CPVL: variants seen among roughly 807,000 people sequenced by gnomAD.
CPVL encodes carboxypeptidase vitellogenic like.
In CPVL, 51 loss-of-function variants were observed where a neutral mutation model predicts 63.7. That is an observed-to-expected ratio of 0.80 (90% CI 0.64 to 1.01). The LOEUF is 1.01. CPVL is among the 50% of genes least tolerant of loss of function. CPVL has a pLI of 0.00. For synonymous variants in CPVL, 195 were observed against 206.0 expected (o/e 0.95, Z 0.46); for missense variants, 530 against 573.1 (o/e 0.92, Z 0.77).
chr7:29,155,802 AT>A (rs1165223298), intron 5 of CPVL, among the ~76,000 whole-genome samples: 4 of 150,466 alleles, frequency 2.7e-5, no homozygotes, highest in South Asian at 2.1e-4. Flanking sequence ...CTTGTGATGG[AT>A]TTTTTTTTTC....
chr7:29,151,273 C>T (rs1375016489), upstream of CPVL, among the ~76,000 whole-genome samples: 4 of 152,156 alleles, frequency 2.6e-5, no homozygotes, highest in African/African-American at 9.7e-5. Flanking sequence ...CTCCTTATGC[C>T]TGGTTTATGT....
At chr7:29,148,866 A>G (rs1793152875), upstream of CPVL, among the ~76,000 whole-genome samples, 1 of 152,150 alleles carries the variant, frequency 6.6e-6, no homozygotes, top group Non-Finnish European at 1.5e-5. Flanking sequence ...GTGTGGGGGA[A>G]CAGAGGACAG....
intron 11 of CPVL, among the ~76,000 whole-genome samples, chr7:29,036,718 C>T (rs1395616710): frequency 6.6e-6 from 1 of 152,160 alleles, no homozygotes; most frequent in Non-Finnish European, 1.5e-5. Context: ...GGAATTCCCC[C>T]ACACTTAAAT....
chr7:29,150,268 A>C (rs1793406349), upstream of CPVL, among the ~76,000 whole-genome samples: 1 of 152,222 alleles, frequency 6.6e-6, no homozygotes, highest in Non-Finnish European at 1.5e-5. Flanking sequence ...TCTGTACATG[A>C]TAAAAATACT....
intron 5 of CPVL, among the ~76,000 whole-genome samples, chr7:29,179,800 G>T (rs1797834648): frequency 6.6e-6 from 1 of 152,112 alleles, no homozygotes; most frequent in Non-Finnish European, 1.5e-5. Context: ...CATTTATGAG[G>T]TTCATTTGTT....
At chr7:29,059,518 C>T (rs1212422139) in intron 11 of CPVL, among the ~76,000 whole-genome samples, 1 of 152,132 alleles carries the variant, frequency 6.6e-6, no homozygotes, top group Admixed American at 6.5e-5. Flanking sequence ...GTGGGATTTA[C>T]CCTTAGCATG....
At chr7:29,097,898 A>G (rs1786607089) in intron 3 of CPVL, among the ~76,000 whole-genome samples, 1 of 152,116 alleles carries the variant, frequency 6.6e-6, no homozygotes. Context: ...GGGAAATGAC[A>G]AGGGAAACCC....
At chr7:28,998,058 A>C (rs1400633045) in intron 12 of CPVL, among the ~76,000 whole-genome samples, 2 of 152,192 alleles carry the variant, frequency 1.3e-5, no homozygotes, top group Admixed American at 1.3e-4. Context: ...TCACAAACTG[A>C]AAGTAAACAT....
At chr7:29,015,724 G>C (rs28657579) in intron 12 of CPVL, among the ~76,000 whole-genome samples, 13 of 152,028 alleles carry the variant, frequency 8.6e-5, no homozygotes, top group African/African-American at 3.1e-4. Flanking sequence ...GCCTAGATCC[G>C]GCTACAGTTC....
At chr7:29,076,657 T>G (rs962670273) in intron 7 of CPVL, among the ~76,000 whole-genome samples, 3 of 152,180 alleles carry the variant, frequency 2.0e-5, no homozygotes, top group African/African-American at 7.2e-5. Flanking sequence ...TGCTCTTACT[T>G]GGTTAATTTT....
intron 9 of CPVL, among the ~76,000 whole-genome samples, chr7:29,069,770 ATG>A (rs70977102): frequency 0.036 from 4,779 of 131,952 alleles, 132 homozygotes; most frequent in African/African-American, 0.067. Context: ...TCACCAGTAA[ATG>A]TGTGTGTGTG....
At chr7:29,180,435 G>A (rs1217283774) in intron 5 of CPVL, among the ~76,000 whole-genome samples, 1 of 152,040 alleles carries the variant, frequency 6.6e-6, no homozygotes, top group African/African-American at 2.4e-5. Context: ...GCTGAGGCAG[G>A]AGAATCACTT....
At chr7:29,107,000 T>A (rs182089163) in intron 3 of CPVL, among the ~76,000 whole-genome samples, 2 of 152,288 alleles carry the variant, frequency 1.3e-5, no homozygotes, top group East Asian at 3.9e-4. Context: ...ATCAGAAGGA[T>A]TGACTGGTAC....
chr7:29,163,334 CTA>C (rs961313966), intron 5 of CPVL, among the ~76,000 whole-genome samples: 22 of 151,910 alleles, frequency 1.4e-4, no homozygotes, highest in Non-Finnish European at 2.5e-4. Context: ...TTAAAATACT[CTA>C]TATTGAATTA....
upstream of CPVL, chr7:29,146,635 G>A (rs769641932): frequency 1.1e-5 from 17 of 1,550,502 alleles, no homozygotes; most frequent in South Asian, 1.3e-4. Context: ...CAACCTCCTG[G>A]TCCCAGAAAC....
chr7:29,022,056 G>A (rs1195216593), intron 12 of CPVL, among the ~76,000 whole-genome samples: 1 of 152,214 alleles, frequency 6.6e-6, no homozygotes, highest in East Asian at 1.9e-4. Flanking sequence ...GAGCCTGAGA[G>A]CTGCCTGCCT....
chr7:29,019,420 TG>T, intron 12 of CPVL, among the ~76,000 whole-genome samples: 2 of 152,214 alleles, frequency 1.3e-5, no homozygotes, highest in Middle Eastern at 6.8e-3. Flanking sequence ...GTGGGAGCTG[TG>T]TTTGATTTCT....
chr7:29,026,435 A>C (rs1010545867), intron 12 of CPVL, among the ~76,000 whole-genome samples: 1 of 152,050 alleles, frequency 6.6e-6, no homozygotes. Flanking sequence ...AACAAACCAA[A>C]CCCATTATCT....
rs368764009 is a variant in CPVL, at chr7:29,022,839, G to A, written c.1320+7738C>T. Among the ~76,000 whole-genome samples the A allele has an allele frequency of 7.9e-5, 12 of 152,352 alleles. No homozygotes were observed. The East Asian group carries it at 1.3e-3, about 17-fold the overall frequency. ...CACATCCACACCTGGGGGTGCTAAGGACAGGCCTCCCCAGCCTGCCAGTGC... is the reference window on the plus strand; with the variant it reads ...CACATCCACACCTGGGGGTGCTAAGAACAGGCCTCCCCAGCCTGCCAGTGC... On this transcript the variant is annotated intron_variant, in intron 12 of 12. Transcript: ENST00000265394.
Sources: gnomAD v4.1 joint callset for allele counts (sites outside exome capture counted in the v4.1 genomes callset) on GRCh38, gnomAD v4.1.1 for gene constraint, MANE v1.5 for transcripts, NCBI Gene and HGNC (gene_info 2026-07-23, HGNC 2026-07-21) for gene names.